RHPN2: variants seen among roughly 807,000 people sequenced by gnomAD.
The protein encoded by RHPN2 is rhophilin Rho GTPase binding protein 2.
A neutral mutation model predicts 79.0 loss-of-function variants in RHPN2; 40 were observed. The ratio of observed to expected loss-of-function variants is 0.51; its 90% CI spans 0.39 to 0.66. The LOEUF is 0.66. Ranked by LOEUF, RHPN2 falls within the 30% of genes least tolerant of loss-of-function variation. RHPN2 has a pLI of 0.00. For synonymous variants in RHPN2, 285 were observed against 363.5 expected, an observed-to-expected ratio of 0.78 and a Z score of 2.46; for missense variants, 686 against 883.5, an observed-to-expected ratio of 0.78 and a Z score of 2.83.
intron 1 of RHPN2, among the ~76,000 whole-genome samples, chr19:33,055,102 A>T (rs1972221279): frequency 6.6e-6 from 1 of 152,162 alleles, no homozygotes; most frequent in Admixed American, 6.6e-5. Flanking sequence ...TCACACCTGT[A>T]ATAGCCCACC....
At chr19:33,005,094 C>G (rs1221206494) in intron 7 of RHPN2, among the ~76,000 whole-genome samples, 1 of 151,372 alleles carries the variant, frequency 6.6e-6, no homozygotes, top group Non-Finnish European at 1.5e-5. Context: ...TTCAGCAGTC[C>G]AGGGCTTTTC....
intron 14 of RHPN2, among the ~76,000 whole-genome samples, chr19:32,988,854 CT>C (rs756258025): frequency 2.6e-5 from 4 of 152,176 alleles, no homozygotes; most frequent in Non-Finnish European, 5.9e-5. Flanking sequence ...CTTTACAGCA[CT>C]TATCAAAATC....
In RHPN2 at chr19:32,983,658, T is replaced by C. The variant is rs565317490; in HGVS notation, c.1801-3402A>G. On this transcript the variant is annotated intron_variant, in intron 14 of 14. Transcript: ENST00000254260. Reference sequence around the variant, plus strand: ...TTTTTTTTTTTTTTTTGAGACGGAGTCTTACTGTCACCAGACTGGAGTGCA... The same window carrying C: ...TTTTTTTTTTTTTTTTGAGACGGAGCCTTACTGTCACCAGACTGGAGTGCA... 2.5e-3 allele frequency among the ~76,000 whole-genome samples: 341 copies of C among 136,066 alleles called. 2 individuals carry two copies. The highest frequency in any genetic ancestry group is 9.4e-3 in the African/African-American group (331 of 35,112). 89.3% of individuals were successfully genotyped at this position (136,066 alleles called of 152,430 possible).
At chr19:33,052,511 C>A (rs77696152) in intron 1 of RHPN2, among the ~76,000 whole-genome samples, 5,042 of 152,318 alleles carry the variant, frequency 0.033, 110 homozygotes, top group Non-Finnish European at 0.052. Context: ...TTTCTCACTC[C>A]TTCCTGGTTA....
At chr19:33,061,720 G>C (rs1290584457) in intron 1 of RHPN2, among the ~76,000 whole-genome samples, 1 of 152,180 alleles carries the variant, frequency 6.6e-6, no homozygotes, top group African/African-American at 2.4e-5. Context: ...CTGATCTCAA[G>C]TGATCCACCT....
At chr19:33,040,480 C>T (rs1303924917) in intron 2 of RHPN2, among the ~76,000 whole-genome samples, 1 of 151,970 alleles carries the variant, frequency 6.6e-6, no homozygotes. Context: ...CCTTGTGATT[C>T]GCCCACCTCG....
At chr19:33,000,141 G>A (rs1971737496) in intron 9 of RHPN2, among the ~76,000 whole-genome samples, 1 of 151,976 alleles carries the variant, frequency 6.6e-6, no homozygotes, top group Non-Finnish European at 1.5e-5. Flanking sequence ...CAAAGTGCTG[G>A]GATCAAATGT....
intron 4 of RHPN2, among the ~76,000 whole-genome samples, chr19:33,015,776 T>C (rs1343464785): frequency 6.6e-6 from 1 of 152,060 alleles, no homozygotes; most frequent in Non-Finnish European, 1.5e-5. Flanking sequence ...CAGCCAGGTG[T>C]GGTGGCTCAC....
intron 13 of RHPN2, 114 bp from the exon 14 acceptor site, chr19:32,990,783 A>C: frequency 7.9e-7 from 1 of 1,260,222 alleles, no homozygotes; most frequent in South Asian, 1.3e-5. Context: ...GCAAAAATTC[A>C]CTTTGGGTGG....
At chr19:33,007,914 C>A (rs2304106) in intron 7 of RHPN2, 100 bp downstream of exon 7, 2 of 906,700 alleles carry the variant, frequency 2.2e-6, no homozygotes, top group Admixed American at 2.6e-5. Context: ...CTGGTCTGGC[C>A]CTTGCGAGGG....
intron 7 of RHPN2, among the ~76,000 whole-genome samples, chr19:33,006,753 G>C (rs1971794717): frequency 6.6e-6 from 1 of 152,250 alleles, no homozygotes; most frequent in South Asian, 2.1e-4. Flanking sequence ...GTTGACCCCA[G>C]TCCTCTATAG....
chr19:33,045,656 TAG>T (rs1471688777), intron 1 of RHPN2, among the ~76,000 whole-genome samples: 2 of 152,134 alleles, frequency 1.3e-5, no homozygotes, highest in African/African-American at 4.8e-5. Flanking sequence ...GTATTTTTAG[TAG>T]AGACAGGGTT....
Position 33,002,320 on chromosome 19 carries a change from T to A in RHPN2, c.1032A>T (p.Leu344Phe). Residue 344 changes from leucine (L) to phenylalanine (F), a missense_variant, in exon 9 of 15, where the codon TTA becomes TTT. Transcript: ENST00000254260. ...CGTAGTGGTGGGCCTTCACGCAGGC[T>A]AAGCTGGCCCAGGAGTAGGGGATGT... is the stretch of plus-strand genomic sequence containing the variant. ...KENIPYSWAS[L>F]ACVKAHHYAA... 1 of 1,613,682 alleles carries A rather than the reference T, an allele frequency of 6.2e-7. No individual in the cohort carries two copies. Among genetic ancestry groups the A allele is most frequent in the Non-Finnish European group, 8.5e-7 (1 of 1,179,700 alleles).
At chr19:33,021,812 G>GC (rs1327501189) in intron 3 of RHPN2, among the ~76,000 whole-genome samples, 166 bp from the exon 4 acceptor site, 4 of 151,978 alleles carry the variant, frequency 2.6e-5, no homozygotes, top group Non-Finnish European at 5.9e-5. Flanking sequence ...CTCTGGTCAT[G>GC]CCCCACCCTC....
At chr19:32,992,456 G>A (rs913242295) in intron 12 of RHPN2, among the ~76,000 whole-genome samples, 1 of 152,154 alleles carries the variant, frequency 6.6e-6, no homozygotes, top group Non-Finnish European at 1.5e-5. Flanking sequence ...CTCCCAAAGT[G>A]CTGGGATTAA....
intron 10 of RHPN2, among the ~76,000 whole-genome samples, chr19:32,996,858 G>A (rs1188966167): frequency 2.0e-5 from 3 of 151,884 alleles, no homozygotes; most frequent in Non-Finnish European, 4.4e-5. Flanking sequence ...AACTCGCTTG[G>A]TTACAACAAG....
chr19:33,006,395 C>T (rs1488821594), intron 7 of RHPN2, among the ~76,000 whole-genome samples: 1 of 152,136 alleles, frequency 6.6e-6, no homozygotes, highest in Non-Finnish European at 1.5e-5. Context: ...TGGGGTCCTC[C>T]TGTGTGGCCC....
intron 2 of RHPN2, among the ~76,000 whole-genome samples, chr19:33,042,285 G>T (rs1358778630): frequency 6.6e-6 from 1 of 151,796 alleles, no homozygotes; most frequent in Non-Finnish European, 1.5e-5. Flanking sequence ...CTGCCCACCT[G>T]CCCCCTTGGC....
intron 2 of RHPN2, among the ~76,000 whole-genome samples, chr19:33,033,790 C>T (rs1972031381): frequency 6.6e-6 from 1 of 151,832 alleles, no homozygotes; most frequent in Non-Finnish European, 1.5e-5. Context: ...TCGCTTGAAC[C>T]CGGGAGGCAC....
Sources: gnomAD v4.1 joint callset for allele counts (sites outside exome capture counted in the v4.1 genomes callset) on GRCh38, gnomAD v4.1.1 for gene constraint, MANE v1.5 for transcripts, NCBI Gene and HGNC (gene_info 2026-07-23, HGNC 2026-07-21) for gene names.